Variants in LZTFL1 observed in about 807,000 individuals in gnomAD.
The protein encoded by LZTFL1 is leucine zipper transcription factor like 1.
Under a neutral mutation model 45.9 loss-of-function variants are expected in LZTFL1, and 25 were observed. That is an observed-to-expected ratio of 0.54 (90% confidence interval 0.40 to 0.76). LZTFL1 has a LOEUF of 0.76. Among genes scored for constraint, LZTFL1 ranks in the 30% least tolerant of loss-of-function variants. LZTFL1 has a pLI of 0.00. For synonymous variants in LZTFL1, 93 were observed against 117.4 expected, an observed-to-expected ratio of 0.79 and a Z score of 1.35; for missense variants, 277 against 331.1, an observed-to-expected ratio of 0.84 and a Z score of 1.27.
chr3:45,878,038 G>A lies in LZTFL1; in HGVS notation c.-214-19022C>T, dbSNP rs148947904. Reference sequence around the variant, plus strand: ...TGGGATTACAGGCATGAGCCACCGCGCCCAGCCCATTTACTAGTTTTTAAC... The same window carrying A: ...TGGGATTACAGGCATGAGCCACCGCACCCAGCCCATTTACTAGTTTTTAAC... On this transcript the variant is annotated intron_variant, in intron 2 of 4. Transcript: ENST00000472635. Among the ~76,000 whole-genome samples the A allele has an allele frequency of 4.0e-3, 602 of 152,194 alleles. 8 individuals carry two copies. The highest frequency in any genetic ancestry group is 0.031 in the Middle Eastern group (9 of 294).
At position 45,825,314 on chromosome 3, in the gene LZTFL1, GTA is replaced by G. The variant is rs576857105; in HGVS notation, c.*998_*999del. On this transcript the variant is annotated 3_prime_UTR_variant, in exon 10 of 10. Coordinates refer to ENST00000296135, the MANE Select transcript of LZTFL1 (RefSeq NM_020347.4). ...GGACTTGACTTTGTTTATCCTTATA[GTA>G]TATCACTGCCTTACATAACTGTGGA... is the stretch of plus-strand genomic sequence containing the variant. The G allele has an allele frequency of 6.9e-4, 107 of 155,416 alleles. No homozygotes were observed. The highest frequency in any genetic ancestry group is 3.9e-3 in the South Asian group (19 of 4,850). 9.6% of individuals were successfully genotyped at this position (155,416 alleles called of 1,614,324 possible).
chr3:45,837,118 ATTCT>A (rs1031029321), intron 2 of LZTFL1, among the ~76,000 whole-genome samples: 1 of 152,240 alleles, frequency 6.6e-6, no homozygotes, highest in African/African-American at 2.4e-5. Context: ...TTGTTTTATA[ATTCT>A]TTAATGTTTC....
chr3:45,911,487 T>C (rs898231158), intron 2 of LZTFL1, among the ~76,000 whole-genome samples: 1 of 152,014 alleles, frequency 6.6e-6, no homozygotes, highest in Non-Finnish European at 1.5e-5. Flanking sequence ...GCACTAGGAG[T>C]TGGATCCACG....
chr3:45,839,114 A>C (rs1160239285), intron 1 of LZTFL1, among the ~76,000 whole-genome samples: 1 of 152,006 alleles, frequency 6.6e-6, no homozygotes, highest in African/African-American at 2.4e-5. Flanking sequence ...TTAGAGACGG[A>C]GTCTCGCTCT....
chr3:45,855,872 T>A (rs1701384722), intron 3 of LZTFL1, among the ~76,000 whole-genome samples: 1 of 152,118 alleles, frequency 6.6e-6, no homozygotes, highest in Non-Finnish European at 1.5e-5. Flanking sequence ...CAAGGAGAGC[T>A]ACAAACCACT....
At chr3:45,904,060 GC>G (rs1267268211) in intron 2 of LZTFL1, among the ~76,000 whole-genome samples, 1 of 152,216 alleles carries the variant, frequency 6.6e-6, no homozygotes, top group African/African-American at 2.4e-5. Context: ...ACACAGGGCA[GC>G]CTCACCAGGA....
chr3:45,903,735 G>A (rs1702625288), intron 2 of LZTFL1, among the ~76,000 whole-genome samples: 1 of 152,238 alleles, frequency 6.6e-6, no homozygotes, highest in Non-Finnish European at 1.5e-5. Flanking sequence ...GCCCGTGAGG[G>A]GGCAGTGGGT....
chr3:45,840,602 T>C (rs567283314), intron 1 of LZTFL1, among the ~76,000 whole-genome samples: 3 of 152,348 alleles, frequency 2.0e-5, no homozygotes, highest in South Asian at 2.1e-4. Flanking sequence ...TTGAATTTTA[T>C]TGTAGAAATA....
intron 2 of LZTFL1, among the ~76,000 whole-genome samples, chr3:45,862,339 G>T (rs1701504341): frequency 6.6e-6 from 1 of 152,194 alleles, no homozygotes; most frequent in Admixed American, 6.5e-5. Context: ...ACAAACCTTG[G>T]CCATGCACGA....
At chr3:45,880,793 G>A (rs1332778763) in intron 2 of LZTFL1, among the ~76,000 whole-genome samples, 1 of 152,066 alleles carries the variant, frequency 6.6e-6, no homozygotes, top group African/African-American at 2.4e-5. Context: ...TGTCACTACT[G>A]TAGTGGGCCT....
At chr3:45,899,161 C>T (rs138764557) in intron 2 of LZTFL1, among the ~76,000 whole-genome samples, 15 of 152,318 alleles carry the variant, frequency 9.8e-5, no homozygotes, top group East Asian at 7.7e-4. Flanking sequence ...AGCAAAACTC[C>T]GTCTCAAAAC....
chr3:45,902,055 C>G (rs200518653), intron 2 of LZTFL1: 19 of 662,230 alleles, frequency 2.9e-5, no homozygotes, highest in Non-Finnish European at 4.8e-5. Context: ...TTTGCCAAAG[C>G]AAATATTTCA....
chr3:45,883,327 G>A (rs544912195), intron 2 of LZTFL1, among the ~76,000 whole-genome samples: 1 of 152,334 alleles, frequency 6.6e-6, no homozygotes, highest in Admixed American at 6.5e-5. Flanking sequence ...TTCTCTTTAA[G>A]AGATTGATAA....
At chr3:45,915,528 T>A (rs1255328629) in exon 1 of LZTFL1, 2 of 456,220 alleles carry the variant, frequency 4.4e-6, no homozygotes, top group African/African-American at 2.0e-5. Flanking sequence ...CCTGAAATCA[T>A]TTTTTCTGTG....
intron 2 of LZTFL1, among the ~76,000 whole-genome samples, chr3:45,859,639 C>CTT (rs539062553): frequency 5.2e-4 from 67 of 129,904 alleles, no homozygotes; most frequent in East Asian, 8.7e-4. Context: ...CATTACATGG[C>CTT]TTTTTTTTTT....
At position 45,900,891 on chromosome 3, in the gene LZTFL1, G is replaced by T; in HGVS notation, c.-215+12229C>A. On this transcript the variant is annotated intron_variant, in intron 2 of 4. Transcript: ENST00000472635. This position sits in a 1 kb window ranked among gnomAD's most constrained non-coding sequence, Gnocchi z 4.7. ...AGACTACGTTAACTTCAACTTCACT[G>T]ACTTCTACTGTGAGAAAAACAATGT... The T allele has an allele frequency of 6.2e-7, 1 of 1,614,096 alleles. No individual in the cohort carries two copies. Among genetic ancestry groups the T allele is most frequent in the African/African-American group, 1.3e-5 (1 of 75,016 alleles).
Position 45,826,342 on chromosome 3 carries a change from T to C in LZTFL1, c.882-10A>G, listed in dbSNP as rs774387691. 1.2e-6 allele frequency: 2 copies of C among 1,609,200 alleles called. No homozygotes were observed. Among genetic ancestry groups the C allele is most frequent in the Non-Finnish European group, 1.7e-6 (2 of 1,176,228 alleles). On this transcript the variant is annotated splice_polypyrimidine_tract_variant and intron_variant, in intron 9 of 9. Coordinates refer to ENST00000296135, the MANE Select transcript of LZTFL1 (RefSeq NM_020347.4). The stretch of plus-strand genomic sequence containing the variant: ...ATCTTCAGGTTCATATCTGGAGATA[T>C]AAATTAAGAACACAATGTCAGGATA...
At chr3:45,856,279 A>G (rs1269214815) in intron 3 of LZTFL1, among the ~76,000 whole-genome samples, 4 of 152,224 alleles carry the variant, frequency 2.6e-5, no homozygotes, top group African/African-American at 9.6e-5. Flanking sequence ...AAAACAAGCA[A>G]TGGAGAAAGG....
At chr3:45,869,815 A>G (rs915384961) in intron 2 of LZTFL1, among the ~76,000 whole-genome samples, 13 of 152,248 alleles carry the variant, frequency 8.5e-5, no homozygotes. Flanking sequence ...GGGACATCCA[A>G]GATGACACCC....
Sources: gnomAD v4.1 joint callset for allele counts (sites outside exome capture counted in the v4.1 genomes callset) on GRCh38, gnomAD v4.1.1 for gene constraint, Gnocchi (gnomAD v3.1) non-coding constraint, MANE v1.5 for transcripts, NCBI Gene and HGNC (gene_info 2026-07-23, HGNC 2026-07-21) for gene names.